MACROD2: variants seen among roughly 807,000 people sequenced by gnomAD.
The protein encoded by MACROD2 is mono-ADP ribosylhydrolase 2.
In MACROD2, 36 loss-of-function variants were observed where a neutral mutation model predicts 70.4. That is an observed-to-expected ratio of 0.51 (90% confidence interval 0.39 to 0.68). MACROD2 has a LOEUF of 0.68. Among genes scored for constraint, MACROD2 ranks in the 30% least tolerant of loss-of-function variants. The probability of loss-of-function intolerance (pLI) is 0.00; values close to 1 mark genes in which losing one functional copy is unlikely to be tolerated. For synonymous variants in MACROD2, 172 were observed against 178.8 expected, an observed-to-expected ratio of 0.96 and a Z score of 0.30; for missense variants, 496 against 538.4, an observed-to-expected ratio of 0.92 and a Z score of 0.78.
chr20:14,999,468 G>T (rs2074976244), intron 5 of MACROD2, among the ~76,000 whole-genome samples: 1 of 152,128 alleles, frequency 6.6e-6, no homozygotes. Context: ...AGACTAGCCA[G>T]ACTCTGTGTC....
chr20:15,994,479 T>C (rs776449600), intron 15 of MACROD2, among the ~76,000 whole-genome samples: 12 of 152,202 alleles, frequency 7.9e-5, no homozygotes, highest in African/African-American at 1.2e-4. Flanking sequence ...AATGTTAGGC[T>C]AAAGGAATTA....
chr20:15,694,952 C>T (rs990168879), intron 8 of MACROD2, among the ~76,000 whole-genome samples: 1 of 152,146 alleles, frequency 6.6e-6, no homozygotes, highest in East Asian at 1.9e-4. Context: ...CCAATTATCC[C>T]AGCACAATTT....
chr20:15,659,421 G>T (rs936711286), intron 8 of MACROD2, among the ~76,000 whole-genome samples: 4 of 130,090 alleles, frequency 3.1e-5, no homozygotes, highest in Non-Finnish European at 6.2e-5. Flanking sequence ...CACCATCTTT[G>T]TCTTTGCTCT....
chr20:15,601,076 T>C (rs1323695922), intron 8 of MACROD2, among the ~76,000 whole-genome samples: 1 of 152,188 alleles, frequency 6.6e-6, no homozygotes, highest in Non-Finnish European at 1.5e-5. Context: ...ATTAATAACA[T>C]TTAAAAATTT....
intron 8 of MACROD2, among the ~76,000 whole-genome samples, chr20:15,844,701 C>T (rs1214092598): frequency 6.6e-6 from 1 of 152,128 alleles, no homozygotes; most frequent in East Asian, 1.9e-4. Context: ...CTGTGTCCTT[C>T]TCAACCCCCA....
chr20:14,099,807 C>T (rs2054274583), intron 3 of MACROD2, among the ~76,000 whole-genome samples: 1 of 152,046 alleles, frequency 6.6e-6, no homozygotes, highest in Admixed American at 6.6e-5. Context: ...TGCTCTAGAT[C>T]CTTGTCAACA....
chr20:15,874,626 A>G (rs2064640976), intron 9 of MACROD2, among the ~76,000 whole-genome samples: 1 of 152,164 alleles, frequency 6.6e-6, no homozygotes, highest in Non-Finnish European at 1.5e-5. Context: ...ATGAGATGGT[A>G]TCTCATTGTG....
rs867743676 is a variant in MACROD2, at chr20:15,551,588, A to G, written c.645+51741A>G. On this transcript the variant is annotated intron_variant, in intron 8 of 17. Coordinates refer to ENST00000684519, the MANE Select transcript of MACROD2 (RefSeq NM_001351661.2). ...ACATCATGTTGTTTCATGTAGCAGA[A>G]TATTTTCAGGCTGGGCGCGGTGGCT... Among the ~76,000 whole-genome samples the G allele has an allele frequency of 4.6e-5, 7 of 152,140 alleles. No homozygotes were observed. In the South Asian group the frequency reaches 1.0e-3, roughly 22 times the overall value.
intron 3 of MACROD2, among the ~76,000 whole-genome samples, chr20:14,438,866 T>C (rs1472957365): frequency 6.6e-6 from 1 of 152,200 alleles, no homozygotes; most frequent in African/African-American, 2.4e-5. Flanking sequence ...AGGTTGTCTT[T>C]TTATTTTATT....
At chr20:15,723,079 T>A (rs952809939) in intron 8 of MACROD2, among the ~76,000 whole-genome samples, 1 of 152,192 alleles carries the variant, frequency 6.6e-6, no homozygotes. Flanking sequence ...TGTTAATACA[T>A]AGATGTTCTT....
chr20:15,344,214 G>T (rs1004421514), intron 6 of MACROD2, among the ~76,000 whole-genome samples: 1 of 152,086 alleles, frequency 6.6e-6, no homozygotes, highest in Admixed American at 6.6e-5. Flanking sequence ...CAAGGAACAG[G>T]CTCTTCCTCC....
At chr20:14,055,039 T>G (rs2053616045) in intron 2 of MACROD2, among the ~76,000 whole-genome samples, 1 of 152,188 alleles carries the variant, frequency 6.6e-6, no homozygotes, top group Admixed American at 6.6e-5. Flanking sequence ...ATTTTCAAAC[T>G]GAGAAGCTGC....
intron 6 of MACROD2, among the ~76,000 whole-genome samples, chr20:15,346,112 T>G (rs2146214543): frequency 6.6e-6 from 1 of 152,200 alleles, no homozygotes; most frequent in Non-Finnish European, 1.5e-5. Context: ...TAAAAATTTT[T>G]TTTTTTTTTA....
At chr20:14,256,775 C>G (rs897326362) in intron 3 of MACROD2, among the ~76,000 whole-genome samples, 8 of 152,150 alleles carry the variant, frequency 5.3e-5, no homozygotes, top group Admixed American at 1.3e-4. Flanking sequence ...GTTCAATTTT[C>G]TAACTTCTCA....
chr20:14,249,128 GT>G (rs1173672516), intron 3 of MACROD2, among the ~76,000 whole-genome samples: 19,039 of 102,748 alleles, frequency 0.19, 1,144 homozygotes, highest in South Asian at 0.22. Context: ...GATTTCAAAG[GT>G]TTTTTTTTTT....
chr20:16,035,165 A>G (rs1306109431), intron 15 of MACROD2, among the ~76,000 whole-genome samples: 6 of 64,954 alleles, frequency 9.2e-5, no homozygotes, highest in Non-Finnish European at 5.7e-5. Flanking sequence ...TATAATATAA[A>G]ATATAAAATA....
At chr20:14,927,654 T>G (rs548321374) in intron 5 of MACROD2, among the ~76,000 whole-genome samples, 10 of 152,310 alleles carry the variant, frequency 6.6e-5, no homozygotes, top group South Asian at 2.1e-4. Context: ...TTTAGCTTTT[T>G]GTCTTCTATA....
At chr20:16,027,926 C>G (rs2067102443) in intron 15 of MACROD2, among the ~76,000 whole-genome samples, 1 of 152,120 alleles carries the variant, frequency 6.6e-6, no homozygotes, top group African/African-American at 2.4e-5. Context: ...TTCATTCCAG[C>G]CAAGCCCTGG....
At chr20:14,685,487 A>G (rs1017956088) in intron 5 of MACROD2, among the ~76,000 whole-genome samples, 7 of 152,204 alleles carry the variant, frequency 4.6e-5, no homozygotes, top group Non-Finnish European at 8.8e-5. Context: ...TCAGTGTGAG[A>G]ATGTGTTTGC....
Sources: allele counts gnomAD v4.1 joint callset (sites outside exome capture counted in the v4.1 genomes callset), GRCh38; gene constraint gnomAD v4.1.1; transcripts MANE v1.5; gene names NCBI Gene and HGNC (gene_info 2026-07-23, HGNC 2026-07-21).